Variants in SLC16A5 observed in about 807,000 individuals in gnomAD.
The protein encoded by SLC16A5 is monocarboxylate transporter 6.
A neutral mutation model predicts 33.2 loss-of-function variants in SLC16A5; 29 were observed. That is an observed-to-expected ratio of 0.87 (90% CI 0.65 to 1.19). SLC16A5 has a LOEUF of 1.19. SLC16A5 is among the 50% of genes most tolerant of loss of function. SLC16A5 has a pLI of 0.00. For missense variants in SLC16A5, 606 were observed against 678.2 expected (o/e 0.89, Z 1.18); for synonymous variants, 248 against 284.1 (o/e 0.87, Z 1.28).
In SLC16A5 at chr17:75,100,043, C is replaced by A. The variant is rs553840529; in HGVS notation, c.380C>A (p.Thr127Lys). The A allele has an allele frequency of 6.2e-7, 1 of 1,612,734 alleles. No homozygotes were observed. Residue 127 changes from threonine (T) to lysine (K), a missense_variant, in exon 5 of 7, where the codon ACG (threonine) becomes AAG (lysine). Coordinates refer to ENST00000329783, the MANE Select transcript of SLC16A5 (RefSeq NM_004695.4). Reference protein sequence around the residue: ...GMCFSFQSSITVLGFYFVRRR... With the variant: ...GMCFSFQSSIKVLGFYFVRRR... ...TGCTTCAGCTTCCAGTCAAGCATCA[C>A]GGTGCTGGGCTTCTACTTTGTCCGC...
chr17:75,104,611 C>A, intron 6 of SLC16A5: 2 of 571,802 alleles, frequency 3.5e-6, no homozygotes, highest in Non-Finnish European at 4.4e-6. Flanking sequence ...GCCACCACTC[C>A]CGGCTAATTT....
rs1319004444 is a variant in SLC16A5 at position 75,096,600 on chromosome 17, G to A, written c.200-1438G>A. On this transcript the variant is annotated intron_variant, in intron 3 of 6. Coordinates refer to ENST00000329783, the MANE Select transcript of SLC16A5 (RefSeq NM_004695.4). ...GGCTGGAGTGTAGTGGCACAGTCTCGGCTCACTGCAACCTCCACCTCCCGG... is the reference window on the plus strand; with the variant it reads ...GGCTGGAGTGTAGTGGCACAGTCTCAGCTCACTGCAACCTCCACCTCCCGG... Among the ~76,000 whole-genome samples, 7 of 148,186 alleles carry A rather than the reference G, an allele frequency of 4.7e-5. 1 individual carries two copies. In the East Asian group the frequency reaches 5.8e-4, roughly 12 times the overall value.
intron 5 of SLC16A5, 66 bp from the exon 6 acceptor site, chr17:75,103,904 G>T: frequency 7.0e-7 from 1 of 1,428,682 alleles, no homozygotes; most frequent in East Asian, 2.3e-5. Context: ...CCTGCTGTCA[G>T]GGAACACACA....
intron 3 of SLC16A5, among the ~76,000 whole-genome samples, chr17:75,096,335 C>T (rs1042296992): frequency 1.3e-5 from 2 of 150,660 alleles, no homozygotes; most frequent in African/African-American, 4.9e-5. Flanking sequence ...AGTCCCCACC[C>T]CCACCCCTGT....
rs754116990 is a variant in SLC16A5 at position 75,103,970 on chromosome 17, G to A, written c.1154G>A (p.Gly385Glu). The part of the protein sequence containing the change: ...LAFLISPPLA[G>E]LLLDATNNFS... ...GCCTAACTTGATCTCTGTTCCCCAG[G>A]GTTGCTCCTGGACGCCACCAACAAC... Residue 385 changes from glycine to glutamate, a missense_variant and splice_region_variant, in exon 6 of 7, where the codon GGG becomes GAG. By Grantham distance (98) the Gly-to-Glu change is moderately conservative. Coordinates refer to ENST00000329783, the MANE Select transcript of SLC16A5 (RefSeq NM_004695.4). The A allele has an allele frequency of 1.9e-6, 3 of 1,613,798 alleles. No individual in the cohort carries two copies. The highest frequency in any genetic ancestry group is 2.5e-6 in the Non-Finnish European group (3 of 1,179,762).
At chr17:75,087,423 G>T (rs370951904), upstream of SLC16A5, among the ~76,000 whole-genome samples, 16 of 152,320 alleles carry the variant, frequency 1.1e-4, no homozygotes, top group East Asian at 1.9e-3. Flanking sequence ...GGAAAAACCT[G>T]AAAAGGGCCT....
At chr17:75,099,968 C>A (rs749705348) in intron 4 of SLC16A5, 39 bp from the exon 5 acceptor site, 1 of 1,567,974 alleles carries the variant, frequency 6.4e-7, no homozygotes. Context: ...TGGAAGGCCC[C>A]AGTGCGCCTC....
intron 6 of SLC16A5, chr17:75,104,763 T>C: frequency 2.0e-6 from 2 of 985,396 alleles, no homozygotes; most frequent in Non-Finnish European, 2.4e-6. Context: ...GGAACCCTTT[T>C]CTAACAACTA....
At chr17:75,088,676 G>C (rs1295336331) in intron 1 of SLC16A5, among the ~76,000 whole-genome samples, 1 of 152,080 alleles carries the variant, frequency 6.6e-6, no homozygotes, top group Non-Finnish European at 1.5e-5. Context: ...GGGGTCCCCA[G>C]GGCCTGCCTC....
At chr17:75,110,076 A>C (rs970704183), downstream of SLC16A5, 1 of 540,984 alleles carries the variant, frequency 1.8e-6, no homozygotes, top group Non-Finnish European at 3.2e-6. Flanking sequence ...TTCAAACGCA[A>C]CTCCTACAGG....
rs775263317 is a variant in SLC16A5 at position 75,100,727 on chromosome 17, A to G, written c.1064A>G (p.Asp355Gly). The change falls in exon 5 of 7, where the codon GAC becomes GGC. Residue 355 changes from aspartate (D) to glycine (G), a missense_variant. Asp to Gly is a moderately conservative substitution (Grantham distance 94). Transcript: ENST00000329783. ...IGALIFQVLM[D>G]IVPMDQFPRA... The stretch of plus-strand genomic sequence containing the variant: ...GCCCTCATCTTCCAGGTTCTCATGG[A>G]CATCGTCCCCATGGATCAGTTCCCC... 8 of 1,613,976 alleles carry G rather than the reference A, an allele frequency of 5.0e-6. No individual in the cohort carries two copies. The highest frequency in any genetic ancestry group is 6.8e-6 in the Non-Finnish European group (8 of 1,180,010).
At chr17:75,101,841 C>G (rs1176542481) in intron 5 of SLC16A5, among the ~76,000 whole-genome samples, 1 of 151,748 alleles carries the variant, frequency 6.6e-6, no homozygotes, top group African/African-American at 2.4e-5. Flanking sequence ...CACCATGTTG[C>G]TCAGGCTGCT....
chr17:75,101,944 T>C (rs1448212636), intron 5 of SLC16A5, among the ~76,000 whole-genome samples: 1 of 152,098 alleles, frequency 6.6e-6, no homozygotes, highest in Non-Finnish European at 1.5e-5. Flanking sequence ...CACTTCCTTT[T>C]TCCTATCAGT....
chr17:75,109,564 C>T (rs546057219), downstream of SLC16A5, among the ~76,000 whole-genome samples: 1 of 152,274 alleles, frequency 6.6e-6, no homozygotes, highest in Admixed American at 6.5e-5. This position sits in a 1 kb window ranked among gnomAD's most constrained non-coding sequence, Gnocchi z 5.0. Flanking sequence ...GGCGGAATTC[C>T]AGCCACCCGA....
chr17:75,099,612 A>AT (rs112902527), intron 4 of SLC16A5, among the ~76,000 whole-genome samples: 1 of 152,060 alleles, frequency 6.6e-6, no homozygotes, highest in African/African-American at 2.4e-5. Context: ...AGCCTGGCTA[A>AT]TTTTTTTGTA....
downstream of SLC16A5, among the ~76,000 whole-genome samples, chr17:75,108,603 A>C (rs544151761): frequency 6.8e-6 from 1 of 148,134 alleles, no homozygotes; most frequent in African/African-American, 2.4e-5. Flanking sequence ...TCTCTCAAAG[A>C]AAATGATATC....
At chr17:75,104,917 A>G (rs188825764) in intron 6 of SLC16A5, 2 of 985,424 alleles carry the variant, frequency 2.0e-6, no homozygotes, top group African/African-American at 1.7e-5. Context: ...CTACAGCTCA[A>G]TGCACTGGAC....
intron 4 of SLC16A5, among the ~76,000 whole-genome samples, chr17:75,099,672 C>T (rs1598152140): frequency 1.3e-5 from 2 of 152,208 alleles, no homozygotes; most frequent in African/African-American, 4.8e-5. Context: ...CTCCTGACCT[C>T]AAGTGATCCG....
rs372619748 is a variant in SLC16A5, at chr17:75,101,075, C to T, written c.1153+259C>T. ...CATCCTGGCCAACATGGTGAAACCCCGTCTCTACTAAAAATACAAAAAAAT... is the reference window on the plus strand; with the variant it reads ...CATCCTGGCCAACATGGTGAAACCCTGTCTCTACTAAAAATACAAAAAAAT... On this transcript the variant is annotated intron_variant, in intron 5 of 6. Coordinates refer to ENST00000329783, the MANE Select transcript of SLC16A5 (RefSeq NM_004695.4). 1.1e-3 allele frequency among the ~76,000 whole-genome samples: 163 copies of T among 151,048 alleles called. No individual in the cohort carries two copies. In the East Asian group the frequency reaches 0.024, roughly 22 times the overall value.
Sources: allele counts gnomAD v4.1 joint callset (sites outside exome capture counted in the v4.1 genomes callset), GRCh38; gene constraint gnomAD v4.1.1; non-coding constraint Gnocchi (gnomAD v3.1); transcripts MANE v1.5; gene names NCBI Gene and HGNC (gene_info 2026-07-23, HGNC 2026-07-21).